The following SEC24C variants were observed in gnomAD, a reference collection of about 807,000 sequenced individuals.
SEC24C encodes SEC24 homolog C, COPII component, also known as protein transport protein Sec24C.
A neutral mutation model predicts 117.0 loss-of-function variants in SEC24C; 22 were observed. The ratio of observed to expected loss-of-function variants is 0.19; its 90% confidence interval spans 0.13 to 0.27. The LOEUF is 0.27. SEC24C is among the 10% of genes least tolerant of loss of function. SEC24C has a pLI of 1.00. For synonymous variants in SEC24C, 506 were observed against 529.4 expected (o/e 0.96, Z 0.61); for missense variants, 1,155 against 1,375.1 (o/e 0.84, Z 2.53).
At position 73,769,460 on chromosome 10, in the gene SEC24C, G is replaced by A. The variant is rs751375665; in HGVS notation, c.2538G>A (p.Thr846=). The A allele has an allele frequency of 6.2e-6, 10 of 1,614,044 alleles. No homozygotes were observed. Among genetic ancestry groups the A allele is most frequent in the African/African-American group, 4.0e-5 (3 of 74,902 alleles). The change falls in exon 18 of 23, where the codon ACG becomes ACA. Residue 846 remains threonine, a synonymous_variant. Coordinates refer to ENST00000345254, the MANE Select transcript of SEC24C (RefSeq NM_198597.3). This position sits in a 1 kb window ranked among gnomAD's most constrained non-coding sequence, Gnocchi z 4.5. ...TATATCGAAACTGTGAGACTGACACGCTCATCAACTACATGGCCAAGTTTG... is the reference window on the plus strand; with the variant it reads ...TATATCGAAACTGTGAGACTGACACACTCATCAACTACATGGCCAAGTTTG... ...ADLYRNCETD[T]LINYMAKFAY...
intron 1 of SEC24C, among the ~76,000 whole-genome samples, chr10:73,745,664 C>T (rs534649918): frequency 1.3e-5 from 2 of 151,878 alleles, no homozygotes; most frequent in African/African-American, 4.8e-5. Context: ...TTTCTCCTGC[C>T]TCAGCCTCCC....
intron 5 of SEC24C, 44 bp downstream of exon 5, chr10:73,760,430 C>G (rs1344891886): frequency 1.3e-6 from 2 of 1,517,054 alleles, no homozygotes; most frequent in South Asian, 1.3e-5. Context: ...GAGGCTTCAG[C>G]TACTCAGGTG....
At position 73,771,400 on chromosome 10, in the gene SEC24C, C is replaced by G; in HGVS notation, c.*305C>G. ...ATTGGGGGTTTGGAGGCACCCAGAC[C>G]CTGGCAATATTATGTGTCCCTTTGG... is the stretch of plus-strand genomic sequence containing the variant. On this transcript the variant is annotated 3_prime_UTR_variant, in exon 23 of 23. Transcript: ENST00000345254. The G allele has an allele frequency of 3.2e-6, 1 of 310,316 alleles. No homozygotes were observed. Among genetic ancestry groups the G allele is most frequent in the Non-Finnish European group, 6.1e-6 (1 of 165,120 alleles). 19.2% of individuals were successfully genotyped at this position (310,316 alleles called of 1,614,324 possible).
intron 5 of SEC24C, 90 bp from the exon 6 acceptor site, chr10:73,760,621 CTA>C: frequency 7.4e-7 from 1 of 1,348,866 alleles, no homozygotes; most frequent in Admixed American, 2.4e-5. Flanking sequence ...CCTCATAATT[CTA>C]TGTTTTTAGG....
chr10:73,760,066 G>A lies in SEC24C; in HGVS notation c.530G>A (p.Gly177Asp), dbSNP rs749051233. The A allele has an allele frequency of 2.9e-5, 47 of 1,610,102 alleles. No homozygotes were observed. In the South Asian group the frequency reaches 4.7e-4, roughly 16 times the overall value. The change falls in exon 5 of 23, where the codon GGT becomes GAT. Residue 177 changes from glycine to aspartate, a missense_variant. By Grantham distance (94) the Gly-to-Asp change is moderately conservative. Around this residue, in one of 2 missense-constraint regions of SEC24C, gnomAD observed 396 missense variants for 382.8 expected, o/e 1.03. Transcript: ENST00000345254. Reference sequence around the variant, plus strand: ...GCCTCAGGAAGTTTCCCTAACTCTGGTCTGTATGGCTCCTATCCTCAGGGC... The same window carrying A: ...GCCTCAGGAAGTTTCCCTAACTCTGATCTGTATGGCTCCTATCCTCAGGGC... Reference protein sequence around the residue: ...ASASGSFPNSGLYGSYPQGQA... With the variant: ...ASASGSFPNSDLYGSYPQGQA...
Position 73,769,199 on chromosome 10 carries a change from G to A in SEC24C, c.2424+47G>A, listed in dbSNP as rs746864631. 6 of 1,607,542 alleles carry A rather than the reference G, an allele frequency of 3.7e-6. No homozygotes were observed. Among genetic ancestry groups the A allele is most frequent in the South Asian group, 1.1e-5 (1 of 90,264 alleles). ...TGGGCAGGAAGTGTTTCATTCGCTT[G>A]GTATAGAAGAGGGTGAGGAATGGGT... On this transcript the variant is annotated intron_variant, in intron 17 of 22. Coordinates refer to ENST00000345254, the MANE Select transcript of SEC24C (RefSeq NM_198597.3). This position sits in a 1 kb window ranked among gnomAD's most constrained non-coding sequence, Gnocchi z 4.5.
intron 6 of SEC24C, 30 bp from the exon 7 acceptor site, chr10:73,763,460 T>C (rs2082827698): frequency 5.6e-6 from 8 of 1,427,606 alleles, no homozygotes; most frequent in Middle Eastern, 1.8e-4. Flanking sequence ...CTTTTTCTTC[T>C]GTCACCTCAT....
chr10:73,750,872 G>A (rs2082632914), intron 2 of SEC24C, among the ~76,000 whole-genome samples: 1 of 152,168 alleles, frequency 6.6e-6, no homozygotes, highest in Admixed American at 6.5e-5. Flanking sequence ...TGTGCCTCTG[G>A]CTACAGCTTC....
At chr10:73,770,926 G>A (rs1443578586) in intron 22 of SEC24C, 29 bp from the exon 23 acceptor site, 1 of 1,613,958 alleles carries the variant, frequency 6.2e-7, no homozygotes, top group Non-Finnish European at 8.5e-7. Flanking sequence ...CTTTGGCCTT[G>A]CCTTATGAAC....
At chr10:73,761,714 C>G (rs1257036931) in intron 6 of SEC24C, among the ~76,000 whole-genome samples, 1 of 152,070 alleles carries the variant, frequency 6.6e-6, no homozygotes, top group Non-Finnish European at 1.5e-5. Flanking sequence ...GAAGGAGAGT[C>G]TGGTTGGACA....
chr10:73,763,979 A>T lies in SEC24C; in HGVS notation c.1223A>T (p.Glu408Val), dbSNP rs374994100. Residue 408 changes from glutamate to valine, a missense_variant, in exon 8 of 23, where the codon GAG becomes GTG. Transcript: ENST00000345254. ...AAACCGCTGGCAAGGCTGCCCCCAG[A>T]GGAGGTGAGTCAGGGAAGGGGCTAG... is the stretch of plus-strand genomic sequence containing the variant. Reference protein sequence around the residue: ...VIKPLARLPPEEASPYVVDHG... With the variant: ...VIKPLARLPPVEASPYVVDHG... The T allele has an allele frequency of 8.8e-6, 14 of 1,584,574 alleles. No individual in the cohort carries two copies. Among genetic ancestry groups the T allele is most frequent in the Non-Finnish European group, 1.1e-5 (13 of 1,162,780 alleles).
rs774414743 is a variant in SEC24C, at chr10:73,766,804, C to A, written c.1844C>A (p.Thr615Lys). ...GAAATGTTTGCAGACACAAGGGAAA[C>A]AGAGACAGTATTTGTACCAGTTATC... ...IPEMFADTRE[T>K]ETVFVPVIQA... Residue 615 changes from threonine to lysine, a missense_variant, in exon 13 of 23, where the codon ACA (threonine) becomes AAA (lysine). By Grantham distance (78) the Thr-to-Lys change is moderately conservative. Coordinates refer to ENST00000345254, the MANE Select transcript of SEC24C (RefSeq NM_198597.3). 2 of 1,614,204 alleles carry A rather than the reference C, an allele frequency of 1.2e-6. No individual in the cohort carries two copies. Among genetic ancestry groups the A allele is most frequent in the Non-Finnish European group, 1.7e-6 (2 of 1,180,038 alleles).
At position 73,765,509 on chromosome 10, in the gene SEC24C, A is replaced by G; in HGVS notation, c.1286A>G (p.Lys429Arg). The change falls in exon 9 of 23, where the codon AAA becomes AGA. Residue 429 changes from lysine (K) to arginine (R), a missense_variant. Lys to Arg is a conservative substitution (Grantham distance 26). This residue lies in a region of SEC24C where 759 missense variants were observed against 992.3 expected (regional missense o/e 0.76). Transcript: ENST00000345254. ...GGCCCTTTGCGCTGCAACCGCTGCA[A>G]AGCATACATGTGTCCCTTCATGCAG... is the stretch of plus-strand genomic sequence containing the variant. Reference protein sequence around the residue: ...ESGPLRCNRCKAYMCPFMQFI... With the variant: ...ESGPLRCNRCRAYMCPFMQFI... The G allele has an allele frequency of 1.2e-6, 2 of 1,614,182 alleles. No individual in the cohort carries two copies. The highest frequency in any genetic ancestry group is 1.3e-5 in the African/African-American group (1 of 75,068).
rs762092841 is a variant in SEC24C at position 73,768,880 on chromosome 10, C to G, written c.2252C>G (p.Ala751Gly). 2 of 1,614,138 alleles carry G rather than the reference C, an allele frequency of 1.2e-6. No homozygotes were observed. Among genetic ancestry groups the G allele is most frequent in the Non-Finnish European group, 1.7e-6 (2 of 1,180,040 alleles). The change falls in exon 16 of 23, where the codon GCT (alanine) becomes GGT (glycine). Residue 751 changes from alanine to glycine, a missense_variant. Physicochemically the swap from Ala to Gly is moderately conservative, Grantham distance 60. Around this residue, in one of 2 missense-constraint regions of SEC24C, gnomAD observed 759 missense variants for 992.3 expected, o/e 0.76. Coordinates refer to ENST00000345254, the MANE Select transcript of SEC24C (RefSeq NM_198597.3). ...GTCCAGAAGGTTGTTGGCTTTGATG[C>G]TGTGATGCGGGTCCGGACAAGCACT... ...RDVQKVVGFD[A>G]VMRVRTSTGI...
chr10:73,758,853 G>T (rs946666713), intron 3 of SEC24C, among the ~76,000 whole-genome samples: 7 of 150,302 alleles, frequency 4.7e-5, no homozygotes, highest in African/African-American at 1.7e-4. Context: ...GTTGGTTTTT[G>T]TGTGTGTGTG....
intron 3 of SEC24C, among the ~76,000 whole-genome samples, chr10:73,753,391 T>C (rs1180048745): frequency 6.6e-6 from 1 of 152,136 alleles, no homozygotes; most frequent in Non-Finnish European, 1.5e-5. Flanking sequence ...TACACTTGGC[T>C]GGGTGAGGTG....
intron 6 of SEC24C, among the ~76,000 whole-genome samples, chr10:73,761,247 G>A (rs2082792291): frequency 6.6e-6 from 1 of 152,174 alleles, no homozygotes; most frequent in South Asian, 2.1e-4. Context: ...TCTGATGTTA[G>A]ATGTTAAGAG....
intron 6 of SEC24C, chr10:73,762,075 A>G (rs1198512970): frequency 7.8e-7 from 1 of 1,284,174 alleles, no homozygotes; most frequent in Non-Finnish European, 1.0e-6. Flanking sequence ...CCCCTGCTGC[A>G]TTTATTATTA....
chr10:73,768,304 G>A (rs1389181170), intron 15 of SEC24C, among the ~76,000 whole-genome samples: 1 of 152,174 alleles, frequency 6.6e-6, no homozygotes, highest in African/African-American at 2.4e-5. Context: ...TTGAACCCGG[G>A]AGGTGGAGGT....
Sources: gnomAD v4.1 joint callset for allele counts (sites outside exome capture counted in the v4.1 genomes callset) on GRCh38, gnomAD v4.1.1 for gene constraint, gnomAD v4.1.1 regional missense constraint, Gnocchi (gnomAD v3.1) non-coding constraint, MANE v1.5 for transcripts, NCBI Gene and HGNC (gene_info 2026-07-23, HGNC 2026-07-21) for gene names.